The following TMEM132D variants were observed in gnomAD, a reference collection of about 807,000 sequenced individuals.
TMEM132D encodes the protein transmembrane protein 132D.
A neutral mutation model predicts 62.3 loss-of-function variants in TMEM132D; 21 were observed. The ratio of observed to expected loss-of-function variants is 0.34; its 90% CI spans 0.24 to 0.49. The LOEUF is 0.49. Among genes scored for constraint, TMEM132D ranks in the 20% least tolerant of loss-of-function variants. TMEM132D has a pLI of 0.99. For missense variants in TMEM132D, 1,346 were observed against 1,402.8 expected (o/e 0.96, Z 0.65); for synonymous variants, 621 against 575.6 (o/e 1.08, Z -1.13).
intron 4 of TMEM132D, among the ~76,000 whole-genome samples, chr12:129,221,757 G>C (rs1411711252): frequency 6.6e-6 from 1 of 152,104 alleles, no homozygotes; most frequent in Non-Finnish European, 1.5e-5. Context: ...CCCTGTCCTT[G>C]TCTTTTGCTT....
chr12:129,743,436 TCTC>T (rs1360133944), intron 1 of TMEM132D, among the ~76,000 whole-genome samples: 1 of 152,158 alleles, frequency 6.6e-6, no homozygotes, highest in Non-Finnish European at 1.5e-5. Flanking sequence ...ACTCAGCACT[TCTC>T]CTTCCCGCCA....
At chr12:129,129,381 C>A (rs1386197773) in intron 5 of TMEM132D, among the ~76,000 whole-genome samples, 1 of 152,144 alleles carries the variant, frequency 6.6e-6, no homozygotes, top group Non-Finnish European at 1.5e-5. Context: ...TTTTCTTTAT[C>A]CAATCCACTG....
chr12:129,880,757 T>C (rs1874565000), intron 1 of TMEM132D, among the ~76,000 whole-genome samples: 1 of 149,972 alleles, frequency 6.7e-6, no homozygotes, highest in African/African-American at 2.5e-5. Flanking sequence ...AGAGATAAAA[T>C]AGAGTTATTA....
chr12:129,570,085 C>T (rs1386745222), intron 2 of TMEM132D, among the ~76,000 whole-genome samples: 1 of 152,072 alleles, frequency 6.6e-6, no homozygotes, highest in Non-Finnish European at 1.5e-5. Context: ...ACCAGAAGTG[C>T]CATAGTGAGT....
At position 129,072,787 on chromosome 12, in the gene TMEM132D, T is replaced by G. The variant is rs1387517514; in HGVS notation, c.*1088A>C. 6.6e-6 allele frequency: 1 copy of G among 152,154 alleles called. No individual in the cohort carries two copies. The allele number at this position is 152,154 out of a possible 1,614,324, so 9.4% of individuals were successfully genotyped here. On this transcript the variant is annotated 3_prime_UTR_variant, in exon 9 of 9. Transcript: ENST00000422113. ...TCTGCCATGAACAGTGAAAGACCCATCCCAAGTGGCCCTGTTTTCTTTCTA... is the reference window on the plus strand; with the variant it reads ...TCTGCCATGAACAGTGAAAGACCCAGCCCAAGTGGCCCTGTTTTCTTTCTA...
chr12:129,735,526 G>C (rs116317054), intron 1 of TMEM132D, among the ~76,000 whole-genome samples: 1,963 of 152,068 alleles, frequency 0.013, 42 homozygotes, highest in African/African-American at 0.045. Flanking sequence ...ATATACTTAC[G>C]AAAATAAACA....
At chr12:129,274,611 G>T (rs1454533334) in intron 4 of TMEM132D, among the ~76,000 whole-genome samples, 1 of 152,178 alleles carries the variant, frequency 6.6e-6, no homozygotes, top group African/African-American at 2.4e-5. Context: ...ATTTGGCCGG[G>T]TGCAGTGGTT....
intron 1 of TMEM132D, among the ~76,000 whole-genome samples, chr12:129,784,222 G>C (rs1871197942): frequency 1.3e-5 from 2 of 152,170 alleles, no homozygotes; most frequent in Non-Finnish European, 2.9e-5. Flanking sequence ...GGCTCACTCT[G>C]TGGGAAAAAC....
At chr12:129,819,673 A>G (rs772226872) in intron 1 of TMEM132D, among the ~76,000 whole-genome samples, 60 of 152,146 alleles carry the variant, frequency 3.9e-4, no homozygotes, top group Non-Finnish European at 5.7e-4. Flanking sequence ...TATGTGTGGC[A>G]TGCTCTGCAG....
intron 1 of TMEM132D, among the ~76,000 whole-genome samples, chr12:129,902,373 G>T (rs1028648308): frequency 9.2e-5 from 14 of 152,184 alleles, no homozygotes; most frequent in African/African-American, 3.1e-4. Context: ...CTATCTGCAG[G>T]AAAGGGGCAC....
intron 1 of TMEM132D, among the ~76,000 whole-genome samples, chr12:129,757,485 C>G (rs1454846284): frequency 6.6e-6 from 1 of 152,092 alleles, no homozygotes; most frequent in African/African-American, 2.4e-5. Flanking sequence ...AGCTCCAGAC[C>G]CTTGCATCTC....
At chr12:129,721,596 C>A (rs1341084347) in intron 1 of TMEM132D, among the ~76,000 whole-genome samples, 3 of 152,170 alleles carry the variant, frequency 2.0e-5, no homozygotes, top group African/African-American at 4.8e-5. Context: ...CCGTCCTCTC[C>A]CTGAGCCTTC....
chr12:129,792,170 C>T (rs919341301), intron 1 of TMEM132D, among the ~76,000 whole-genome samples: 3 of 152,114 alleles, frequency 2.0e-5, no homozygotes, highest in African/African-American at 4.8e-5. Context: ...ATGCTCTTGC[C>T]GGGGCCAGCC....
intron 2 of TMEM132D, among the ~76,000 whole-genome samples, chr12:129,557,555 A>G (rs1313011113): frequency 6.6e-6 from 1 of 152,086 alleles, no homozygotes; most frequent in Non-Finnish European, 1.5e-5. Flanking sequence ...TCTCTACAAA[A>G]AAATCAGAAA....
At position 129,764,846 on chromosome 12, in the gene TMEM132D, T is replaced by A. The variant is rs117995976; in HGVS notation, c.80-64148A>T. ...GTCCCAGCTACTCAGGAGGTTGAGG[T>A]AGGAGGATCGCTTGAGCCTGGGAGG... On this transcript the variant is annotated intron_variant, in intron 1 of 8. Transcript: ENST00000422113. Among the ~76,000 whole-genome samples, 101 of 152,010 alleles carry A rather than the reference T, an allele frequency of 6.6e-4. 2 individuals are homozygous for A. In the East Asian group the frequency reaches 0.018, roughly 27 times the overall value.
chr12:129,351,464 T>C (rs1200481623), intron 3 of TMEM132D, among the ~76,000 whole-genome samples: 1 of 152,106 alleles, frequency 6.6e-6, no homozygotes. Context: ...ATTAGGCAGG[T>C]AGGCTTACAA....
intron 4 of TMEM132D, among the ~76,000 whole-genome samples, chr12:129,311,443 T>C (rs1225155543): frequency 1.3e-5 from 2 of 152,174 alleles, no homozygotes; most frequent in African/African-American, 4.8e-5. Flanking sequence ...CATGTGTTCA[T>C]TCAACAAATA....
Position 129,672,273 on chromosome 12 carries a change from C to T in TMEM132D, c.968+27537G>A, listed in dbSNP as rs545899349. On this transcript the variant is annotated intron_variant, in intron 2 of 8. Transcript: ENST00000422113. The stretch of plus-strand genomic sequence containing the variant: ...GGCATTTGGGCAAAAGCAATGCCCA[C>T]TTCCAGGATTGTAAAAATGTCCTAC... Among the ~76,000 whole-genome samples the T allele has an allele frequency of 3.6e-4, 55 of 152,318 alleles. 1 individual carries two copies. The highest frequency in any genetic ancestry group is 6.9e-4 in the Non-Finnish European group (47 of 68,038).
chr12:129,557,119 G>A (rs1165513831), intron 2 of TMEM132D, among the ~76,000 whole-genome samples: 1 of 152,092 alleles, frequency 6.6e-6, no homozygotes, highest in Non-Finnish European at 1.5e-5. Context: ...TTCCTTATCA[G>A]AGTTAAGTTT....
Sources: allele counts gnomAD v4.1 joint callset (sites outside exome capture counted in the v4.1 genomes callset), GRCh38; gene constraint gnomAD v4.1.1; transcripts MANE v1.5; gene names NCBI Gene and HGNC (gene_info 2026-07-23, HGNC 2026-07-21).